Variants in CDKN1A observed in about 807,000 individuals in gnomAD.
CDKN1A encodes the protein cyclin-dependent kinase inhibitor 1.
In CDKN1A, 14 loss-of-function variants were observed where a neutral mutation model predicts 14.8. That is an observed-to-expected ratio of 0.94 (90% CI 0.62 to 1.48). The LOEUF is 1.48. Ranked by LOEUF, CDKN1A falls within the 40% of genes most tolerant of loss-of-function variation. The pLI is 0.00. For synonymous variants in CDKN1A, 92 were observed against 93.5 expected (o/e 0.98, Z 0.09); for missense variants, 203 against 231.7 (o/e 0.88, Z 0.80).
chr6:36,681,730 C>A (rs1466113891), intron 1 of CDKN1A, among the ~76,000 whole-genome samples: 1 of 151,284 alleles, frequency 6.6e-6, no homozygotes, highest in Non-Finnish European at 1.5e-5. Flanking sequence ...GTAGCTGGGA[C>A]TACAGGTGCT....
intron 2 of CDKN1A, among the ~76,000 whole-genome samples, chr6:36,685,434 C>T (rs1400488507): frequency 6.6e-6 from 1 of 152,174 alleles, no homozygotes; most frequent in Non-Finnish European, 1.5e-5. Flanking sequence ...CTGAATTGTT[C>T]ATTTTATTTG....
At chr6:36,680,273 T>G (rs1461969515) in intron 1 of CDKN1A, among the ~76,000 whole-genome samples, 2 of 145,350 alleles carry the variant, frequency 1.4e-5, no homozygotes, top group Non-Finnish European at 3.0e-5. Flanking sequence ...AGGGGCCGGC[T>G]CCCGGCGCGC....
chr6:36,685,636 C>G, intron 2 of CDKN1A, 115 bp from the exon 3 acceptor site: 1 of 988,552 alleles, frequency 1.0e-6, no homozygotes. Context: ...TCTCAGCAGT[C>G]GGCCCCATTG....
chr6:36,685,808 A>G lies in CDKN1A; in HGVS notation c.*8A>G, dbSNP rs1184573689. The G allele has an allele frequency of 1.2e-6, 2 of 1,614,014 alleles. No homozygotes were observed. The highest frequency in any genetic ancestry group is 8.5e-7 in the Non-Finnish European group (1 of 1,179,900). ...TCCAAGAGGAAGCCCTAATCCGCCC[A>G]CAGGAAGCCTGCAGTCCTGGAAGCG... is the stretch of plus-strand genomic sequence containing the variant. On this transcript the variant is annotated 3_prime_UTR_variant, in exon 3 of 3. Transcript: ENST00000244741.
In CDKN1A at chr6:36,686,766, G is replaced by T; in HGVS notation, c.*966G>T. Reference sequence around the variant, plus strand: ...TTCTACCTCAGGCAGCTCAAGCAGCGACCGCCCCCTCCTCTAGCTGTGGGG... The same window carrying T: ...TTCTACCTCAGGCAGCTCAAGCAGCTACCGCCCCCTCCTCTAGCTGTGGGG... On this transcript the variant is annotated 3_prime_UTR_variant, in exon 3 of 3. Transcript: ENST00000244741. The surrounding 1 kb of genome is among the most constrained non-coding windows in gnomAD (Gnocchi z 4.9). 4.3e-6 allele frequency: 1 copy of T among 234,038 alleles called. No individual in the cohort carries two copies. 14.5% of individuals were successfully genotyped at this position (234,038 alleles called of 1,614,324 possible).
In CDKN1A at chr6:36,681,318, TTC is replaced by T. The variant is rs1224751108; in HGVS notation, c.-6+2522_-6+2523del. Among the ~76,000 whole-genome samples, 20 of 129,452 alleles carry T rather than the reference TTC, an allele frequency of 1.5e-4. 1 individual carries two copies. Among genetic ancestry groups the T allele is most frequent in the African/African-American group, 5.5e-4 (19 of 34,812 alleles). 84.9% of individuals were successfully genotyped at this position (129,452 alleles called of 152,430 possible). A position where few individuals can be genotyped will look rare whatever the true frequency, so the allele number is the denominator to read the frequency against. ...TTTCTTTCTTTCTTTCTTTCTTTCT[TTC>T]TTTCTTTCTTTCTTTTTCTTTCTTT... On this transcript the variant is annotated intron_variant, in intron 1 of 2. Transcript: ENST00000244741.
chr6:36,686,003 G>T lies in CDKN1A; in HGVS notation c.*203G>T. ...TTAAACAAAAACTAGGCGGTTGAAT[G>T]AGAGGTTCCTAAGAGTGCTGGGCAT... is the stretch of plus-strand genomic sequence containing the variant. On this transcript the variant is annotated 3_prime_UTR_variant, in exon 3 of 3. Coordinates refer to ENST00000244741, the MANE Select transcript of CDKN1A (RefSeq NM_000389.5). The surrounding 1 kb of genome is among the most constrained non-coding windows in gnomAD (Gnocchi z 4.9). 2 of 623,330 alleles carry T rather than the reference G, an allele frequency of 3.2e-6. No homozygotes were observed. The highest frequency in any genetic ancestry group is 3.7e-5 in the South Asian group (2 of 54,162). 38.6% of individuals were successfully genotyped at this position (623,330 alleles called of 1,614,324 possible).
At chr6:36,677,179 C>G (rs1761721567), upstream of CDKN1A, among the ~76,000 whole-genome samples, 1 of 152,100 alleles carries the variant, frequency 6.6e-6, no homozygotes, top group African/African-American at 2.4e-5. Flanking sequence ...TGTGCCGTGG[C>G]CTTTCTGGGG....
intron 1 of CDKN1A, among the ~76,000 whole-genome samples, chr6:36,683,615 G>A (rs1012909604): frequency 3.9e-5 from 6 of 152,184 alleles, no homozygotes; most frequent in Admixed American, 1.3e-4. Context: ...CCCTACTTGG[G>A]GATCTGGGTC....
chr6:36,677,058 GAGA>G (rs1230085431), upstream of CDKN1A, among the ~76,000 whole-genome samples: 1 of 152,188 alleles, frequency 6.6e-6, no homozygotes, highest in African/African-American at 2.4e-5. Context: ...AAGGCAGTGG[GAGA>G]AGGTGCCTGT....
At chr6:36,683,116 A>G (rs1445038923) in intron 1 of CDKN1A, among the ~76,000 whole-genome samples, 1 of 152,214 alleles carries the variant, frequency 6.6e-6, no homozygotes, top group East Asian at 1.9e-4. Flanking sequence ...GGCAGAGAGG[A>G]ATAATCATAC....
rs1762240273 is a variant in CDKN1A at position 36,687,209 on chromosome 6, C to G, written c.*1409C>G. ...CCCATGTGTCCTGGTTCCCGTTTCT[C>G]CACCTAGACTGTAAACCTCTCGAGG... is the stretch of plus-strand genomic sequence containing the variant. On this transcript the variant is annotated 3_prime_UTR_variant, in exon 3 of 3. Transcript: ENST00000244741. The G allele has an allele frequency of 4.3e-6, 1 of 233,186 alleles. No homozygotes were observed. The highest frequency in any genetic ancestry group is 2.2e-5 in the African/African-American group (1 of 45,344). 14.4% of individuals were successfully genotyped at this position (233,186 alleles called of 1,614,324 possible). A position where few individuals can be genotyped will look rare whatever the true frequency, so the allele number is the denominator to read the frequency against.
intron 1 of CDKN1A, among the ~76,000 whole-genome samples, chr6:36,681,328 CTTT>C: frequency 9.9e-6 from 1 of 101,002 alleles, no homozygotes; most frequent in South Asian, 3.6e-4. Flanking sequence ...TTCTTTCTTT[CTTT>C]CTTTTTCTTT....
At chr6:36,676,843 A>AATGTC (rs1168085894), upstream of CDKN1A, among the ~76,000 whole-genome samples, 2 of 152,010 alleles carry the variant, frequency 1.3e-5, no homozygotes, top group African/African-American at 4.8e-5. Context: ...AGAAATATTG[A>AATGTC]ATGTCGTGGT....
chr6:36,681,361 T>TTTCC (rs1562038290), intron 1 of CDKN1A, among the ~76,000 whole-genome samples: 2 of 55,878 alleles, frequency 3.6e-5, no homozygotes, highest in Non-Finnish European at 7.0e-5. Context: ...TTTTTCTTTC[T>TTTCC]TTTCTTTCTT....
intron 1 of CDKN1A, among the ~76,000 whole-genome samples, chr6:36,681,514 A>C (rs1172973312): frequency 6.9e-6 from 1 of 144,568 alleles, no homozygotes; most frequent in African/African-American, 2.6e-5. Flanking sequence ...TCCTGGACTC[A>C]AGTAGTCCTC....
chr6:36,680,291 T>C (rs1355637367), intron 1 of CDKN1A, among the ~76,000 whole-genome samples: 19 of 95,168 alleles, frequency 2.0e-4, no homozygotes, highest in Non-Finnish European at 3.8e-4. Context: ...CGCGCGCGCG[T>C]GCGTGTCTGC....
At chr6:36,677,371 T>G (rs1461380389), upstream of CDKN1A, among the ~76,000 whole-genome samples, 1 of 152,218 alleles carries the variant, frequency 6.6e-6, no homozygotes, top group African/African-American at 2.4e-5. Context: ...TTCCAGACTC[T>G]GAGCAGCCTG....
At chr6:36,681,396 T>C (rs1403704615) in intron 1 of CDKN1A, among the ~76,000 whole-genome samples, 75 of 108,336 alleles carry the variant, frequency 6.9e-4, no homozygotes, top group African/African-American at 2.6e-3. Flanking sequence ...TTTCTTTCTT[T>C]CTTTCTTTCT....
Sources: allele counts gnomAD v4.1 joint callset (sites outside exome capture counted in the v4.1 genomes callset), GRCh38; gene constraint gnomAD v4.1.1; non-coding constraint Gnocchi (gnomAD v3.1); transcripts MANE v1.5; gene names NCBI Gene and HGNC (gene_info 2026-07-23, HGNC 2026-07-21).